FYN: variants seen among roughly 807,000 people sequenced by gnomAD.
FYN encodes FYN proto-oncogene, Src family tyrosine kinase.
In FYN, 10 loss-of-function variants were observed where a neutral mutation model predicts 70.2. The ratio of observed to expected loss-of-function variants is 0.14; its 90% confidence interval spans 0.09 to 0.24. The LOEUF is 0.24. FYN is among the 10% of genes least tolerant of loss of function. FYN has a pLI of 1.00. For synonymous variants in FYN, 236 were observed against 248.6 expected (o/e 0.95, Z 0.48); for missense variants, 319 against 673.1 (o/e 0.47, Z 5.82).
chr6:111,872,722 G>A (rs1403525853), intron 1 of FYN, among the ~76,000 whole-genome samples: 1 of 151,862 alleles, frequency 6.6e-6, no homozygotes, highest in Non-Finnish European at 1.5e-5. Flanking sequence ...GCCCGCTTGC[G>A]GGCGAGGAAA....
chr6:111,730,630 T>C (rs543842683), intron 3 of FYN, among the ~76,000 whole-genome samples: 8 of 152,258 alleles, frequency 5.3e-5, no homozygotes, highest in Admixed American at 1.3e-4. Flanking sequence ...GTTGGGACAC[T>C]GAGCTGGGCA....
chr6:111,715,126 T>C (rs181066992), intron 4 of FYN, among the ~76,000 whole-genome samples: 81 of 152,296 alleles, frequency 5.3e-4, no homozygotes, highest in Non-Finnish European at 2.5e-4. Context: ...ACCCACCCTA[T>C]GTCCTCTCAT....
chr6:111,813,064 T>C (rs1772376749), intron 2 of FYN, among the ~76,000 whole-genome samples: 1 of 152,226 alleles, frequency 6.6e-6, no homozygotes, highest in Admixed American at 6.5e-5. Context: ...GCATTTACTA[T>C]GCTATTTACT....
rs1019796749 is a variant in FYN at position 111,752,713 on chromosome 6, CA to C, written c.-12+27852del. ...GAGGACTTGGACTGAATTTGGAGCT[CA>C]GAGGGGAGGCTCTGAAGAGTTCTAA... is the stretch of plus-strand genomic sequence containing the variant. On this transcript the variant is annotated intron_variant, in intron 3 of 13. Coordinates refer to ENST00000354650, the MANE Select transcript of FYN (RefSeq NM_002037.5). Among the ~76,000 whole-genome samples the C allele has an allele frequency of 1.4e-4, 21 of 152,140 alleles. 1 individual carries two copies. The highest frequency in any genetic ancestry group is 1.3e-3 in the Admixed American group (20 of 15,276).
At chr6:111,790,958 A>G (rs62413690) in intron 2 of FYN, among the ~76,000 whole-genome samples, 6,401 of 152,328 alleles carry the variant, frequency 0.042, 188 homozygotes, top group Non-Finnish European at 0.064. Flanking sequence ...TGGAAGTCCA[A>G]TATTTTTATA....
At chr6:111,742,789 C>T (rs1386713537) in intron 3 of FYN, among the ~76,000 whole-genome samples, 2 of 152,176 alleles carry the variant, frequency 1.3e-5, no homozygotes, top group Non-Finnish European at 2.9e-5. Context: ...TTGCTCCATT[C>T]CCATTTACTG....
intron 12 of FYN, among the ~76,000 whole-genome samples, chr6:111,677,151 C>T (rs933948090): frequency 6.6e-6 from 1 of 152,216 alleles, no homozygotes; most frequent in Non-Finnish European, 1.5e-5. Flanking sequence ...AATATATTTA[C>T]ACCAAACAAT....
intron 6 of FYN, among the ~76,000 whole-genome samples, chr6:111,707,419 C>T (rs1278250299): frequency 6.6e-6 from 1 of 152,170 alleles, no homozygotes; most frequent in Non-Finnish European, 1.5e-5. Flanking sequence ...GTAGTATTTC[C>T]CAAGTTGGGG....
intron 3 of FYN, among the ~76,000 whole-genome samples, chr6:111,727,877 C>T (rs933771663): frequency 2.6e-5 from 4 of 152,232 alleles, no homozygotes; most frequent in African/African-American, 9.6e-5. Context: ...GTTCAAATGG[C>T]CCCCAGGCTA....
intron 3 of FYN, among the ~76,000 whole-genome samples, chr6:111,758,281 A>G (rs1370607778): frequency 6.6e-6 from 1 of 152,262 alleles, no homozygotes; most frequent in East Asian, 1.9e-4. Flanking sequence ...GATATAAAAC[A>G]TTAAGTCCAA....
At chr6:111,730,376 T>C (rs1191590997) in intron 3 of FYN, among the ~76,000 whole-genome samples, 2 of 152,138 alleles carry the variant, frequency 1.3e-5, no homozygotes, top group Non-Finnish European at 2.9e-5. Context: ...TCCTAGGTAC[T>C]TGGGGACACC....
At chr6:111,704,324 G>C (rs1449293227) in intron 6 of FYN, among the ~76,000 whole-genome samples, 2 of 152,060 alleles carry the variant, frequency 1.3e-5, no homozygotes, top group Non-Finnish European at 2.9e-5. Context: ...TCAGATTTGA[G>C]TTGTGGGTTG....
chr6:111,684,817 C>T (rs1475657316), intron 12 of FYN, among the ~76,000 whole-genome samples: 1 of 152,146 alleles, frequency 6.6e-6, no homozygotes, highest in Non-Finnish European at 1.5e-5. Context: ...ATCGAAGGGA[C>T]TTTCCTTGGA....
intron 2 of FYN, among the ~76,000 whole-genome samples, chr6:111,785,059 TA>T (rs2128508905): frequency 6.6e-6 from 1 of 152,352 alleles, no homozygotes; most frequent in Non-Finnish European, 1.5e-5. Context: ...TTTCTGGGGT[TA>T]GGTTTGTTGT....
intron 2 of FYN, among the ~76,000 whole-genome samples, chr6:111,836,886 GA>G (rs780552529): frequency 6.6e-6 from 1 of 152,122 alleles, no homozygotes; most frequent in Non-Finnish European, 1.5e-5. Flanking sequence ...GTATCATCTA[GA>G]AAACACAAAA....
chr6:111,779,607 C>T (rs1444708147), intron 3 of FYN, among the ~76,000 whole-genome samples: 1 of 152,058 alleles, frequency 6.6e-6, no homozygotes, highest in African/African-American at 2.4e-5. Flanking sequence ...GAATGGGTCA[C>T]CAGGGTTGGA....
chr6:111,774,542 G>T (rs1803628917), intron 3 of FYN, among the ~76,000 whole-genome samples: 1 of 152,050 alleles, frequency 6.6e-6, no homozygotes, highest in Non-Finnish European at 1.5e-5. Flanking sequence ...CCCAGTCTTT[G>T]TGAGGACAAC....
chr6:111,690,517 G>T (rs1174180140), intron 12 of FYN, among the ~76,000 whole-genome samples: 1 of 152,010 alleles, frequency 6.6e-6, no homozygotes, highest in Non-Finnish European at 1.5e-5. Context: ...TGACTACTTG[G>T]GAATTATCTT....
intron 2 of FYN, among the ~76,000 whole-genome samples, chr6:111,789,845 A>G (rs756313607): frequency 1.1e-4 from 16 of 152,236 alleles, no homozygotes; most frequent in Non-Finnish European, 2.1e-4. Context: ...GGACACGTCT[A>G]GCTCTCTTCC....
Sources: gnomAD v4.1 joint callset for allele counts (sites outside exome capture counted in the v4.1 genomes callset) on GRCh38, gnomAD v4.1.1 for gene constraint, MANE v1.5 for transcripts, NCBI Gene and HGNC (gene_info 2026-07-23, HGNC 2026-07-21) for gene names.